Variants in SH2D3A observed in about 807,000 individuals in gnomAD.
SH2D3A encodes SH2 domain containing 3A.
SH2D3A carries 46 observed loss-of-function variants against 50.6 expected under a neutral mutation model. The observed-to-expected ratio is 0.91, with a 90% CI of 0.72 to 1.16. The LOEUF is 1.16. Among genes scored for constraint, SH2D3A ranks in the 50% most tolerant of loss-of-function variants. The pLI is 0.00. For synonymous variants in SH2D3A, 377 were observed against 348.4 expected, an observed-to-expected ratio of 1.08 and a Z score of -0.91; for missense variants, 783 against 786.2, an observed-to-expected ratio of 1.00 and a Z score of 0.05.
At position 6,752,678 on chromosome 19, in the gene SH2D3A, C is replaced by A; in HGVS notation, c.1646G>T (p.Gly549Val). 1 of 1,552,728 alleles carries A rather than the reference C, an allele frequency of 6.4e-7. No individual in the cohort carries two copies. ...GCGTTCAGCGCGCGGAGCTCCCGCG[C>A]CCCGGCTACCCCAGAGCAGCCTCCG... ...FVRRLLWGSR[G>V]AGAPRAERFE... is the part of the protein sequence containing the mutation. The change falls in exon 10 of 10, where the codon GGC (glycine) becomes GTC (valine). Residue 549 changes from glycine to valine, a missense_variant. Physicochemically the swap from Gly to Val is moderately radical, Grantham distance 109. Coordinates refer to ENST00000245908, the MANE Select transcript of SH2D3A (RefSeq NM_005490.3).
chr19:6,754,265 G>A lies in SH2D3A; in HGVS notation c.1258C>T (p.Leu420=). Reference sequence around the variant, plus strand: ...TCCCCACGAACCTGGGGCATGAGCAGGGCGCCCATGACTGCAGCCAGCCCG... The same window carrying A: ...TCCCCACGAACCTGGGGCATGAGCAAGGCGCCCATGACTGCAGCCAGCCCG... ...LPGLAAVMGA[L]LMPQVSRLEH... Residue 420 remains leucine, a synonymous_variant, in exon 7 of 10, where the codon CTG becomes TTG. Transcript: ENST00000245908. The A allele has an allele frequency of 1.9e-6, 3 of 1,595,834 alleles. No homozygotes were observed. Among genetic ancestry groups the A allele is most frequent in the Non-Finnish European group, 2.5e-6 (3 of 1,176,682 alleles).
At position 6,755,432 on chromosome 19, in the gene SH2D3A, G is replaced by A. The variant is rs953553711; in HGVS notation, c.497-117C>T. The A allele has an allele frequency of 7.7e-6, 5 of 653,536 alleles. No individual in the cohort carries two copies. In the Admixed American group the frequency reaches 8.5e-5, roughly 11 times the overall value. 40.5% of individuals were successfully genotyped at this position (653,536 alleles called of 1,614,324 possible). A position where few individuals can be genotyped will look rare whatever the true frequency, so the allele number is the denominator to read the frequency against. On this transcript the variant is annotated intron_variant, in intron 4 of 9. Coordinates refer to ENST00000245908, the MANE Select transcript of SH2D3A (RefSeq NM_005490.3). ...ATCCATCCACTCATTCCAATAATGG[G>A]GTATAACAACCTATCCGGGTGCAGT...
Position 6,755,265 on chromosome 19 carries a change from C to G in SH2D3A, c.547G>C (p.Val183Leu), listed in dbSNP as rs367830219. ...AGGGGAGCAGGGGCCTTCAGCAACA[C>G]CGGGTCACTGCTCGTTCGGGGCAAG... ...SALPRTSSDP[V>L]LLKAPAPLGT... The change falls in exon 5 of 10, where the codon GTG becomes CTG. Residue 183 changes from valine to leucine, a missense_variant. Val to Leu is a conservative substitution (Grantham distance 32). Coordinates refer to ENST00000245908, the MANE Select transcript of SH2D3A (RefSeq NM_005490.3). 3.3e-6 allele frequency: 5 copies of G among 1,525,348 alleles called. No homozygotes were observed. In the African/African-American group the frequency reaches 7.0e-5, roughly 21 times the overall value. The allele number at this position is 1,525,348 out of a possible 1,614,324, so 94.5% of individuals were successfully genotyped here.
Position 6,753,563 on chromosome 19 carries a change from C to G in SH2D3A, c.1463G>C (p.Gly488Ala). ...CCGCTCACAGCTCTCGTCCAGCGGC[C>G]CCGCGACTTCCTCGCCCTCCAGTAG... ...VRLLEGEEVA[G>A]PLDESCERLL... Residue 488 changes from glycine (G) to alanine (A), a missense_variant, in exon 9 of 10, where the codon GGG (glycine) becomes GCG (alanine). By Grantham distance (60) the Gly-to-Ala change is moderately conservative (BLOSUM62 0). Transcript: ENST00000245908. The G allele has an allele frequency of 6.3e-7, 1 of 1,577,826 alleles. No homozygotes were observed. The highest frequency in any genetic ancestry group is 8.6e-7 in the Non-Finnish European group (1 of 1,162,794).
At chr19:6,761,442 G>T (rs1970015004) in intron 2 of SH2D3A, among the ~76,000 whole-genome samples, 1 of 152,190 alleles carries the variant, frequency 6.6e-6, no homozygotes, top group African/African-American at 2.4e-5. Context: ...TTAACATGTT[G>T]ACTGTGTTTA....
chr19:6,757,352 C>T (rs1280953526), intron 4 of SH2D3A: 1 of 136,350 alleles, frequency 7.3e-6, no homozygotes, highest in Admixed American at 8.0e-5. Context: ...GGGTCTCACT[C>T]TGTGGCCCAG....
chr19:6,760,890 G>C lies in SH2D3A; in HGVS notation c.167C>G (p.Ser56Ter). 1.2e-6 allele frequency: 2 copies of C among 1,614,224 alleles called. No individual in the cohort carries two copies. Among genetic ancestry groups the C allele is most frequent in the Non-Finnish European group, 8.5e-7 (1 of 1,180,040 alleles). ...ACGGAACACCTCAAAATGGAGGGCT[G>C]AGCCCCGCCAGCGGCAGGAGATCAC... ...NPVISCRWRG[S>*]ALHFEVFRVA... The change falls in exon 3 of 10, where the codon TCA becomes TGA. Residue 56 changes from serine to a stop codon, truncating the protein, a stop_gained. Transcript: ENST00000245908. LOFTEE classifies it high-confidence loss of function.
In SH2D3A at chr19:6,760,726, AGACCACAGCCCCTGTGG is replaced by A. The variant is rs1969964225; in HGVS notation, c.314_330del (p.Ala105ValfsTer15). 6.2e-7 allele frequency: 1 copy of A among 1,614,046 alleles called. No homozygotes were observed. Among genetic ancestry groups the A allele is most frequent in the African/African-American group, 1.3e-5 (1 of 74,934 alleles). ...GGCCCCTGCCAAGTCACAGGCCTGG[AGACCACAGCCCCTGTGG>A]CCTGGGACAGTGGGCGCCTGCCTGT... On this transcript the variant is annotated frameshift_variant, in exon 3 of 10. Coordinates refer to ENST00000245908, the MANE Select transcript of SH2D3A (RefSeq NM_005490.3). LOFTEE classifies it high-confidence loss of function.
rs1168185356 is a variant in SH2D3A at position 6,755,214 on chromosome 19, C to T, written c.598G>A (p.Ala200Thr). 1 of 1,565,144 alleles carries T rather than the reference C, an allele frequency of 6.4e-7. No homozygotes were observed. Among genetic ancestry groups the T allele is most frequent in the Admixed American group, 1.9e-5 (1 of 53,964 alleles). The change falls in exon 5 of 10, where the codon GCC becomes ACC. Residue 200 changes from alanine to threonine, a missense_variant. Physicochemically the swap from Ala to Thr is moderately conservative, Grantham distance 58 (BLOSUM62 0). Coordinates refer to ENST00000245908, the MANE Select transcript of SH2D3A (RefSeq NM_005490.3). ...PLGTVADSLR[A>T]SDGQLQAKAP... ...TTGGCTTGAAGCTGCCCATCGGAGG[C>T]CCTGAGACTGTCGGCAACAGTTCCC...
In SH2D3A at chr19:6,754,543, G is replaced by A; in HGVS notation, c.1097+73C>T. ...TTCTTCCCTGGGGAACCATGAGTGGGGAGCTGTTTGGAGATCTTGGGAAGT... is the reference window on the plus strand; with the variant it reads ...TTCTTCCCTGGGGAACCATGAGTGGAGAGCTGTTTGGAGATCTTGGGAAGT... On this transcript the variant is annotated intron_variant, in intron 6 of 9. Coordinates refer to ENST00000245908, the MANE Select transcript of SH2D3A (RefSeq NM_005490.3). The A allele has an allele frequency of 2.5e-6, 4 of 1,600,588 alleles. No individual in the cohort carries two copies. The South Asian group carries it at 3.3e-5, about 13-fold the overall frequency.
At chr19:6,766,615 C>G (rs1433173051) in intron 1 of SH2D3A, among the ~76,000 whole-genome samples, 1 of 152,236 alleles carries the variant, frequency 6.6e-6, no homozygotes, top group Non-Finnish European at 1.5e-5. Flanking sequence ...TGCTGGAGCA[C>G]TTGCTGTGCA....
At chr19:6,760,549 C>G (rs369731744) in intron 3 of SH2D3A, 89 bp downstream of exon 3, 60 of 1,142,438 alleles carry the variant, frequency 5.3e-5, no homozygotes, top group Non-Finnish European at 6.9e-5. Context: ...CAGAGTGAGA[C>G]TCAGTCAAAA....
chr19:6,753,594 C>A lies in SH2D3A; in HGVS notation c.1432G>T (p.Val478Phe). The change falls in exon 9 of 10, where the codon GTT (valine) becomes TTT (phenylalanine). Residue 478 changes from valine to phenylalanine, a missense_variant. Coordinates refer to ENST00000245908, the MANE Select transcript of SH2D3A (RefSeq NM_005490.3). The part of the protein sequence containing the change: ...EVALPHVAPM[V>F]RLLEGEEVAG... Reference sequence around the variant, plus strand: ...ACTTCCTCGCCCTCCAGTAGGCGAACCATGGGTGCCACGTGCGGCAGCGCC... The same window carrying A: ...ACTTCCTCGCCCTCCAGTAGGCGAAACATGGGTGCCACGTGCGGCAGCGCC... 6.3e-7 allele frequency: 1 copy of A among 1,590,466 alleles called. No homozygotes were observed. Among genetic ancestry groups the A allele is most frequent in the Non-Finnish European group, 8.6e-7 (1 of 1,169,540 alleles).
At chr19:6,766,605 T>A (rs1283523723) in intron 1 of SH2D3A, among the ~76,000 whole-genome samples, 1 of 152,230 alleles carries the variant, frequency 6.6e-6, no homozygotes, top group Non-Finnish European at 1.5e-5. Context: ...GGACGACCAT[T>A]GCTGGAGCAC....
chr19:6,752,614 C>T lies in SH2D3A; in HGVS notation c.1710G>A (p.Gln570=). 6.4e-7 allele frequency: 1 copy of T among 1,561,240 alleles called. No homozygotes were observed. The highest frequency in any genetic ancestry group is 8.7e-7 in the Non-Finnish European group (1 of 1,152,184). ...KFQRVLGVLS[Q]RLEPDR Reference sequence around the variant, plus strand: ...GCTCTCAGCGGTCAGGCTCCAGGCGCTGCGACAGGACGCCGAGGACGCGCT... The same window carrying T: ...GCTCTCAGCGGTCAGGCTCCAGGCGTTGCGACAGGACGCCGAGGACGCGCT... Residue 570 remains glutamine, a synonymous_variant, in exon 10 of 10, where the codon CAG becomes CAA. Transcript: ENST00000245908.
At chr19:6,762,061 AAAT>A (rs1970057261) in intron 2 of SH2D3A, among the ~76,000 whole-genome samples, 1 of 152,076 alleles carries the variant, frequency 6.6e-6, no homozygotes, top group Admixed American at 6.6e-5. Flanking sequence ...TCTGGGGACT[AAAT>A]AATAGATGTA....
chr19:6,765,680 A>T (rs1301318374), intron 1 of SH2D3A, among the ~76,000 whole-genome samples: 1 of 148,728 alleles, frequency 6.7e-6, no homozygotes, highest in African/African-American at 2.5e-5. Context: ...TCCAGGAGGC[A>T]GACCCTGCAG....
At chr19:6,759,436 C>T in intron 4 of SH2D3A, 158 bp downstream of exon 4, 2 of 672,176 alleles carry the variant, frequency 3.0e-6, no homozygotes, top group Non-Finnish European at 2.6e-6. Flanking sequence ...TTTTAAGCAC[C>T]CACAAAGTCC....
At chr19:6,761,968 A>C (rs910830967) in intron 2 of SH2D3A, among the ~76,000 whole-genome samples, 1 of 141,432 alleles carries the variant, frequency 7.1e-6, no homozygotes, top group African/African-American at 2.7e-5. Context: ...AAAAAAACAA[A>C]AAAAAAAACA....
Sources: gnomAD v4.1 joint callset for allele counts (sites outside exome capture counted in the v4.1 genomes callset) on GRCh38, gnomAD v4.1.1 for gene constraint, MANE v1.5 for transcripts, NCBI Gene and HGNC (gene_info 2026-07-23, HGNC 2026-07-21) for gene names.